CARF: variants seen among roughly 807,000 people sequenced by gnomAD.
CARF encodes calcium responsive transcription factor.
A neutral mutation model predicts 82.0 loss-of-function variants in CARF; 57 were observed. The observed-to-expected ratio is 0.70, with a 90% confidence interval of 0.56 to 0.87. CARF has a LOEUF of 0.87. Ranked by LOEUF, CARF falls within the 40% of genes least tolerant of loss-of-function variation. The probability of loss-of-function intolerance (pLI) is 0.00; values close to 1 mark genes in which losing one functional copy is unlikely to be tolerated. For missense variants in CARF, 771 were observed against 855.8 expected (o/e 0.90, Z 1.24); for synonymous variants, 268 against 290.1 (o/e 0.92, Z 0.77).
chr2:202,912,879 A>G lies in CARF; in HGVS notation c.-553A>G, dbSNP rs1308357166. ...TTTAGAAGGGGAAAATCATCCTCCCACACCTTCTCCCCGACTTTTTGCCTT... is the reference window on the plus strand; with the variant it reads ...TTTAGAAGGGGAAAATCATCCTCCCGCACCTTCTCCCCGACTTTTTGCCTT... On this transcript the variant is annotated 5_prime_UTR_variant, in exon 1 of 17. Transcript: ENST00000438828. The G allele has an allele frequency of 1.3e-5, 2 of 152,028 alleles. No homozygotes were observed. Among genetic ancestry groups the G allele is most frequent in the Non-Finnish European group, 2.9e-5 (2 of 68,014 alleles). 9.4% of individuals were successfully genotyped at this position (152,028 alleles called of 1,614,324 possible). A position where few individuals can be genotyped will look rare whatever the true frequency, so the allele number is the denominator to read the frequency against.
At chr2:202,935,324 TTATATA>T (rs67665417) in intron 3 of CARF, among the ~76,000 whole-genome samples, 1,944 of 143,038 alleles carry the variant, frequency 0.014, 43 homozygotes, top group African/African-American at 0.045. Flanking sequence ...ATTTGTATAT[TTATATA>T]TATATATATA....
At position 202,986,886 on chromosome 2, in the gene CARF, A is replaced by ATATATACATATATATATATATATACG. The variant is rs2060456420; in HGVS notation, c.*3268_*3269insCATATATATATATATATACGTATATA. The ATATATACATATATATATATATATACG allele has an allele frequency of 9.0e-6, 1 of 110,786 alleles. No individual in the cohort carries two copies. Among genetic ancestry groups the ATATATACATATATATATATATATACG allele is most frequent in the African/African-American group, 3.0e-5 (1 of 33,274 alleles). The allele number at this position is 110,786 out of a possible 1,614,324, so 6.9% of individuals were successfully genotyped here. On this transcript the variant is annotated 3_prime_UTR_variant, in exon 17 of 17. Coordinates refer to ENST00000438828, the MANE Select transcript of CARF (RefSeq NM_024744.17). Reference sequence around the variant, plus strand: ...TCTGTGCGTATATATATATATATATATATATATATATATATATATATAGCA... The same window carrying ATATATACATATATATATATATATACG: ...TCTGTGCGTATATATATATATATATATATATACATATATATATATATATACGTATATATATATATATATATATAGCA...
chr2:202,921,079 G>A (rs1690705620), intron 2 of CARF, among the ~76,000 whole-genome samples: 1 of 152,162 alleles, frequency 6.6e-6, no homozygotes, highest in Admixed American at 6.5e-5. Context: ...TCGGCTCACT[G>A]CAACCTCCGC....
At position 202,974,469 on chromosome 2, in the gene CARF, A is replaced by G; in HGVS notation, c.1467A>G (p.Val489=). ...AATCCTTGAGAAATGGAGATACGGT[A>G]TATAACTCAGAGATTATTCCAGCAA... is the stretch of plus-strand genomic sequence containing the variant. The part of the protein sequence containing the change: ...VQKSLRNGDT[V]YNSEIIPATL... The change falls in exon 13 of 17, where the codon GTA becomes GTG. Residue 489 remains valine, a synonymous_variant. Coordinates refer to ENST00000438828, the MANE Select transcript of CARF (RefSeq NM_024744.17). 6.2e-7 allele frequency: 1 copy of G among 1,603,990 alleles called. No homozygotes were observed. Among genetic ancestry groups the G allele is most frequent in the Non-Finnish European group, 8.5e-7 (1 of 1,177,402 alleles).
intron 9 of CARF, among the ~76,000 whole-genome samples, chr2:202,966,285 T>C (rs2059546379): frequency 6.6e-6 from 1 of 152,208 alleles, no homozygotes; most frequent in Non-Finnish European, 1.5e-5. Flanking sequence ...GGGGCCATCT[T>C]AGGGCTGGCT....
intron 11 of CARF, 132 bp downstream of exon 11, chr2:202,970,194 G>A: frequency 1.3e-6 from 1 of 785,950 alleles, no homozygotes; most frequent in Non-Finnish European, 1.9e-6. Context: ...GATATCAATA[G>A]TTCCCTAGGT....
chr2:202,930,124 T>G (rs1692618901), intron 3 of CARF, among the ~76,000 whole-genome samples: 2 of 151,694 alleles, frequency 1.3e-5, no homozygotes, highest in Non-Finnish European at 2.9e-5. Flanking sequence ...CTCGGCTCAC[T>G]CCAACCTCTG....
chr2:202,953,956 G>T (rs374852058), intron 6 of CARF, 49 bp from the exon 7 acceptor site: 6 of 1,530,420 alleles, frequency 3.9e-6, no homozygotes, highest in South Asian at 3.9e-5. Flanking sequence ...TATTCTTATG[G>T]TCTTATTCAA....
At chr2:202,946,178 C>T (rs1390748207) in intron 5 of CARF, among the ~76,000 whole-genome samples, 1 of 151,986 alleles carries the variant, frequency 6.6e-6, no homozygotes, top group Non-Finnish European at 1.5e-5. Context: ...CAAAAAAGAG[C>T]CTGTATAGCC....
intron 3 of CARF, among the ~76,000 whole-genome samples, chr2:202,935,450 T>C (rs1693777986): frequency 6.6e-6 from 1 of 151,580 alleles, no homozygotes; most frequent in African/African-American, 2.4e-5. Context: ...TGGTATTTAT[T>C]TACTTTCTTG....
intron 5 of CARF, among the ~76,000 whole-genome samples, chr2:202,943,587 T>TACACACACACACACACACACACACAC (rs754214990): frequency 4.3e-5 from 5 of 115,160 alleles, no homozygotes; most frequent in African/African-American, 1.6e-4. Context: ...TAATGGAATG[T>TACACACACACACACACACACACACAC]ACACACACAC....
intron 9 of CARF, 107 bp from the exon 10 acceptor site, chr2:202,966,870 CT>C: frequency 1.0e-6 from 1 of 985,822 alleles, no homozygotes; most frequent in East Asian, 2.5e-5. Flanking sequence ...TTCCTTAAAG[CT>C]GTATATTTGA....
intron 12 of CARF, among the ~76,000 whole-genome samples, chr2:202,971,988 G>A (rs564161677): frequency 3.6e-4 from 55 of 151,990 alleles, no homozygotes; most frequent in African/African-American, 1.3e-3. Flanking sequence ...TTTGGATTTG[G>A]CAAATTGGAC....
chr2:202,928,329 T>C (rs1692245225), intron 3 of CARF, among the ~76,000 whole-genome samples: 1 of 152,212 alleles, frequency 6.6e-6, no homozygotes, highest in Admixed American at 6.5e-5. Flanking sequence ...CTAAATAGTA[T>C]TCTATTGTGT....
intron 10 of CARF, among the ~76,000 whole-genome samples, chr2:202,969,643 A>G (rs1474035091): frequency 3.9e-5 from 6 of 152,044 alleles, no homozygotes; most frequent in Admixed American, 3.9e-4. Flanking sequence ...TGAGGTGATT[A>G]TGCCTTCCAG....
rs184739530 is a variant in CARF at position 202,987,390 on chromosome 2, C to G, written c.*3766C>G. Among the ~76,000 whole-genome samples the G allele has an allele frequency of 1.6e-4, 24 of 151,950 alleles. No homozygotes were observed. The East Asian group carries it at 4.6e-3, about 29-fold the overall frequency. On this transcript the variant is annotated 3_prime_UTR_variant, in exon 17 of 17. Coordinates refer to ENST00000438828, the MANE Select transcript of CARF (RefSeq NM_024744.17). ...TTTTAAACTTTATTCCACTCTGTAC[C>G]TATTTTTGAGGACCTTGAAAATCTT...
intron 3 of CARF, among the ~76,000 whole-genome samples, chr2:202,934,884 T>G (rs1693614251): frequency 6.6e-6 from 1 of 151,714 alleles, no homozygotes; most frequent in African/African-American, 2.4e-5. Context: ...GATACCAGCC[T>G]GGCCAACATG....
At chr2:202,981,329 A>T (rs1267340350) in intron 14 of CARF, among the ~76,000 whole-genome samples, 3 of 152,172 alleles carry the variant, frequency 2.0e-5, no homozygotes, top group Non-Finnish European at 2.9e-5. Context: ...TCATGCAGTA[A>T]GGCTTGCTTG....
Position 202,954,127 on chromosome 2 carries a change from G to A in CARF, c.550G>A (p.Val184Met). ...QTSFPLPKKS[V>M]TGMLEEPLLG... ...ATCCTTCCCATTGCCCAAAAAGTCA[G>A]TGACCGGGTGAGTCCACGGGAAAGA... Residue 184 changes from valine (V) to methionine (M), a missense_variant, in exon 7 of 17, where the codon GTG becomes ATG. Transcript: ENST00000438828. 6 of 1,612,162 alleles carry A rather than the reference G, an allele frequency of 3.7e-6. No homozygotes were observed. Among genetic ancestry groups the A allele is most frequent in the Non-Finnish European group, 5.1e-6 (6 of 1,179,296 alleles).
Sources: gnomAD v4.1 joint callset for allele counts (sites outside exome capture counted in the v4.1 genomes callset) on GRCh38, gnomAD v4.1.1 for gene constraint, MANE v1.5 for transcripts, NCBI Gene and HGNC (gene_info 2026-07-23, HGNC 2026-07-21) for gene names.